The following LCP1 variants were observed in gnomAD, a reference collection of about 807,000 sequenced individuals.
LCP1 encodes the protein lymphocyte cytosolic protein 1, also known as plastin-2.
Under a neutral mutation model 72.0 loss-of-function variants are expected in LCP1, and 23 were observed. That is an observed-to-expected ratio of 0.32 (90% CI 0.23 to 0.45). The LOEUF is 0.45. Among genes scored for constraint, LCP1 ranks in the 20% least tolerant of loss-of-function variants. LCP1 has a pLI of 1.00. For missense variants in LCP1, 571 were observed against 748.3 expected (o/e 0.76, Z 2.76); for synonymous variants, 245 against 275.4 (o/e 0.89, Z 1.09).
chr13:46,150,132 T>C (rs1260036692), intron 8 of LCP1, among the ~76,000 whole-genome samples: 1 of 152,224 alleles, frequency 6.6e-6, no homozygotes. Context: ...TCATGTGAAC[T>C]TTCCTCTGAC....
At chr13:46,144,063 C>T (rs940179312) in intron 11 of LCP1, among the ~76,000 whole-genome samples, 4 of 151,170 alleles carry the variant, frequency 2.6e-5, no homozygotes, top group African/African-American at 7.3e-5. Context: ...GAGACTCCAT[C>T]TCAAAAAAAA....
Position 46,158,521 on chromosome 13 carries a change from C to T in LCP1, c.358+1G>A. 2 of 1,613,420 alleles carry T rather than the reference C, an allele frequency of 1.2e-6. No homozygotes were observed. The highest frequency in any genetic ancestry group is 1.7e-6 in the Non-Finnish European group (2 of 1,179,832). On this transcript the variant is annotated splice_donor_variant, in intron 4 of 15. Transcript: ENST00000323076. LOFTEE classifies it high-confidence loss of function. ...TGCTCCAACCCAGGAGTTGAGCCTA[C>T]CTGAATAGGAGTGTTGGGTGCCAAC...
intron 1 of LCP1, among the ~76,000 whole-genome samples, chr13:46,176,602 A>C (rs946900290): frequency 6.6e-6 from 1 of 152,224 alleles, no homozygotes; most frequent in African/African-American, 2.4e-5. Flanking sequence ...TTTAGTGACT[A>C]CTACCAGACT....
At chr13:46,159,516 C>T in intron 2 of LCP1, 83 bp downstream of exon 2, 1 of 1,124,776 alleles carries the variant, frequency 8.9e-7, no homozygotes, top group African/African-American at 1.5e-5. Context: ...AAATTTTGCT[C>T]ATGTTCCCAT....
intron 2 of LCP1, 167 bp from the exon 3 acceptor site, chr13:46,159,156 T>A: frequency 1.6e-6 from 1 of 627,716 alleles, no homozygotes; most frequent in Non-Finnish European, 2.8e-6. Flanking sequence ...CTGTTGCTAC[T>A]GAATAGGGGC....
intron 1 of LCP1, among the ~76,000 whole-genome samples, chr13:46,162,342 G>C (rs976321477): frequency 1.4e-5 from 2 of 143,628 alleles, no homozygotes; most frequent in African/African-American, 5.2e-5. Flanking sequence ...TTCTCCCTCT[G>C]ATGCCGAGCA....
chr13:46,168,324 G>A (rs2045887684), intron 1 of LCP1: 1 of 152,346 alleles, frequency 6.6e-6, no homozygotes, highest in East Asian at 1.9e-4. Context: ...CAAATGAGCT[G>A]AGAAATAGCT....
At chr13:46,135,124 G>A (rs58099415) in intron 13 of LCP1, among the ~76,000 whole-genome samples, 53,924 of 114,628 alleles carry the variant, frequency 0.47, 11,367 homozygotes, top group South Asian at 0.52. Flanking sequence ...AAAAAAAAAA[G>A]AAAAAAAAAA....
Position 46,127,383 on chromosome 13 carries a change from C to A in LCP1, c.*208G>T, listed in dbSNP as rs2045604955. ...AAGCAAATAAATCAAGAATAGAAAC[C>A]TATATATAGGAGGTTGGGCCTCCTG... On this transcript the variant is annotated 3_prime_UTR_variant, in exon 16 of 16. Transcript: ENST00000323076. 2 of 477,718 alleles carry A rather than the reference C, an allele frequency of 4.2e-6. No individual in the cohort carries two copies. The highest frequency in any genetic ancestry group is 7.3e-6 in the Non-Finnish European group (2 of 272,248). The allele number at this position is 477,718 out of a possible 1,614,324, so 29.6% of individuals were successfully genotyped here.
At position 46,159,608 on chromosome 13, in the gene LCP1, C is replaced by A. The variant is rs779484669; in HGVS notation, c.55G>T (p.Ala19Ser). The A allele has an allele frequency of 6.2e-7, 1 of 1,614,058 alleles. No homozygotes were observed. The highest frequency in any genetic ancestry group is 8.5e-7 in the Non-Finnish European group (1 of 1,179,928). Reference protein sequence around the residue: ...EEMMELREAFAKVDTDGNGYI... With the variant: ...EEMMELREAFSKVDTDGNGYI... ...TACCAGGTCTACTCACCAACTTTGGCAAAAGCTTCTCTGAGCTCCATCATT... is the reference window on the plus strand; with the variant it reads ...TACCAGGTCTACTCACCAACTTTGGAAAAAGCTTCTCTGAGCTCCATCATT... The change falls in exon 2 of 16, where the codon GCC becomes TCC. Residue 19 changes from alanine (A) to serine (S), a missense_variant. Physicochemically the swap from Ala to Ser is moderately conservative, Grantham distance 99 (BLOSUM62 1). Transcript: ENST00000323076.
intron 8 of LCP1, among the ~76,000 whole-genome samples, chr13:46,149,530 T>C (rs553343284): frequency 1.3e-5 from 2 of 152,232 alleles, no homozygotes; most frequent in Non-Finnish European, 2.9e-5. Flanking sequence ...TCTCACTCAC[T>C]CTAGCCTGGG....
At chr13:46,134,367 C>T in intron 13 of LCP1, 117 bp from the exon 14 acceptor site, 1 of 807,998 alleles carries the variant, frequency 1.2e-6, no homozygotes, top group Non-Finnish European at 1.9e-6. Flanking sequence ...AGTCTGGACA[C>T]CATTACATTT....
intron 15 of LCP1, among the ~76,000 whole-genome samples, chr13:46,128,515 T>G (rs1266630093): frequency 1.3e-5 from 2 of 152,102 alleles, no homozygotes; most frequent in East Asian, 1.9e-4. Flanking sequence ...GGAGAATCGC[T>G]TGAACCCGGG....
chr13:46,163,415 G>T (rs1042590363), intron 1 of LCP1, among the ~76,000 whole-genome samples: 12 of 152,130 alleles, frequency 7.9e-5, no homozygotes, highest in African/African-American at 2.9e-4. Flanking sequence ...GATGTGCTTT[G>T]TTAAACAGAT....
At chr13:46,171,258 G>C (rs915705550) in intron 1 of LCP1, among the ~76,000 whole-genome samples, 1 of 152,200 alleles carries the variant, frequency 6.6e-6, no homozygotes, top group African/African-American at 2.4e-5. Context: ...GCTATAAACT[G>C]GAGTGGCCTC....
chr13:46,152,810 A>G lies in LCP1; in HGVS notation c.709T>C (p.Phe237Leu). 1 of 1,614,004 alleles carries G rather than the reference A, an allele frequency of 6.2e-7. No homozygotes were observed. Among genetic ancestry groups the G allele is most frequent in the Non-Finnish European group, 8.5e-7 (1 of 1,180,004 alleles). The change falls in exon 7 of 16, where the codon TTT (phenylalanine) becomes CTT (leucine). Residue 237 changes from phenylalanine to leucine, a missense_variant. By Grantham distance (22) the Phe-to-Leu change is conservative. Coordinates refer to ENST00000323076, the MANE Select transcript of LCP1 (RefSeq NM_002298.5). ...LLWQVIKIGL[F>L]ADIELSRNEA... is the part of the protein sequence containing the mutation. ...TTTCTGCTGAGTTCAATGTCAGCAA[A>G]CAACCCAATCTTGATGACTTGCCAC...
At chr13:46,152,726 C>A (rs990277994) in intron 7 of LCP1, 54 bp downstream of exon 7, 9 of 1,567,024 alleles carry the variant, frequency 5.7e-6, no homozygotes, top group Admixed American at 5.5e-5. Flanking sequence ...CAGTCCCCAA[C>A]GCGTAAGTTA....
At chr13:46,166,680 C>T (rs774626329) in intron 1 of LCP1, among the ~76,000 whole-genome samples, 17 of 151,886 alleles carry the variant, frequency 1.1e-4, no homozygotes, top group South Asian at 4.1e-4. Context: ...ACTAAAGAAA[C>T]GAAAAATAAA....
chr13:46,134,025 G>A (rs1431646801), intron 14 of LCP1, 102 bp downstream of exon 14: 7 of 1,052,822 alleles, frequency 6.6e-6, no homozygotes, highest in African/African-American at 4.8e-5. Context: ...GGGAGGGGGA[G>A]CCTCTAATAC....
Sources: allele counts gnomAD v4.1 joint callset (sites outside exome capture counted in the v4.1 genomes callset), GRCh38; gene constraint gnomAD v4.1.1; transcripts MANE v1.5; gene names NCBI Gene and HGNC (gene_info 2026-07-23, HGNC 2026-07-21).